COPS5: variants seen among roughly 807,000 people sequenced by gnomAD.
The protein encoded by COPS5 is COP9 signalosome subunit 5.
COPS5 carries 8 observed loss-of-function variants against 44.4 expected under a neutral mutation model. The ratio of observed to expected loss-of-function variants is 0.18; its 90% CI spans 0.11 to 0.32. The LOEUF (loss-of-function observed/expected upper bound fraction) is 0.32. COPS5 is among the 10% of genes least tolerant of loss of function. COPS5 has a pLI of 1.00. For missense variants in COPS5, 159 were observed against 406.4 expected (o/e 0.39, Z 5.23); for synonymous variants, 122 against 142.8 (o/e 0.85, Z 1.04).
chr8:67,056,958 A>G (rs899717502), intron 4 of COPS5, among the ~76,000 whole-genome samples: 3 of 151,926 alleles, frequency 2.0e-5, no homozygotes, highest in African/African-American at 7.2e-5. Context: ...ATAGACCTAT[A>G]GATTTAGCTT....
chr8:67,050,158 C>T (rs1404974379), intron 6 of COPS5, among the ~76,000 whole-genome samples: 2 of 152,114 alleles, frequency 1.3e-5, no homozygotes, highest in Admixed American at 6.5e-5. Context: ...CCCACCACCT[C>T]GCCCGGCTAA....
intron 1 of COPS5, chr8:67,061,200 T>C: frequency 3.8e-6 from 1 of 263,574 alleles, no homozygotes; most frequent in Non-Finnish European, 7.6e-6. Flanking sequence ...GGTCTTAAGC[T>C]CTATTTTTAT....
At chr8:67,061,604 G>T (rs1325981879) in intron 1 of COPS5, 2 of 513,084 alleles carry the variant, frequency 3.9e-6, no homozygotes, top group Non-Finnish European at 7.0e-6. Context: ...CGGATGTTCA[G>T]AAGTGACAAC....
At position 67,043,322 on chromosome 8, in the gene COPS5, A is replaced by G. The variant is rs773074244; in HGVS notation, c.921-5T>C. 3.9e-6 allele frequency: 6 copies of G among 1,539,120 alleles called. No homozygotes were observed. The highest frequency in any genetic ancestry group is 4.5e-6 in the Non-Finnish European group (5 of 1,122,106). ...GCTTCTATGGTAGTTTTACAGCTGG[A>G]AAAAAAAACACACATCACATGATGT... On this transcript the variant is annotated splice_polypyrimidine_tract_variant and splice_region_variant and intron_variant, in intron 7 of 7. Transcript: ENST00000357849.
Position 67,043,306 on chromosome 8 carries a change from G to T in COPS5, c.932C>A (p.Thr311Asn). ...CATCAATCCATGGATAGCTTCTATG[G>T]TAGTTTTACAGCTGGAAAAAAAAAC... ...AKATRDSCKT[T>N]IEAIHGLMSQ... is the part of the protein sequence containing the mutation. The change falls in exon 8 of 8, where the codon ACC becomes AAC. Residue 311 changes from threonine to asparagine, a missense_variant. Thr to Asn is a moderately conservative substitution (Grantham distance 65, BLOSUM62 0). Around this residue, in one of 2 missense-constraint regions of COPS5, gnomAD observed 134 missense variants for 376.7 expected, o/e 0.36. Transcript: ENST00000357849. 1.3e-6 allele frequency: 2 copies of T among 1,593,778 alleles called. No homozygotes were observed. Among genetic ancestry groups the T allele is most frequent in the Non-Finnish European group, 1.7e-6 (2 of 1,166,836 alleles).
chr8:67,061,652 G>A, intron 1 of COPS5: 1 of 583,224 alleles, frequency 1.7e-6, no homozygotes, highest in Non-Finnish European at 3.0e-6. Context: ...TACATCACCC[G>A]GGGGCAAATG....
chr8:67,051,460 T>C lies in COPS5; in HGVS notation c.660-119A>G, dbSNP rs1032699061. ...ATTCTCAAATATTCACATTTTAGTC[T>C]TTATTCCAATAAGGCAATAGCTAAC... On this transcript the variant is annotated intron_variant, in intron 5 of 7. Transcript: ENST00000357849. The C allele has an allele frequency of 9.8e-6, 6 of 613,626 alleles. No homozygotes were observed. The African/African-American group carries it at 1.1e-4, about 11-fold the overall frequency. The allele number at this position is 613,626 out of a possible 1,614,324, so 38.0% of individuals were successfully genotyped here.
rs1563450567 is a variant in COPS5, at chr8:67,061,846, C to CT, written c.143+7dup. 1 of 1,614,048 alleles carries CT rather than the reference C, an allele frequency of 6.2e-7. No homozygotes were observed. On this transcript the variant is annotated splice_region_variant and intron_variant, in intron 1 of 7. Coordinates refer to ENST00000357849, the MANE Select transcript of COPS5 (RefSeq NM_006837.3). ...CCCTCCCCTGCGTCTCGCCAGGGAC[C>CT]TCCTCACTCCTTAGTCCAGGGCTTC...
intron 5 of COPS5, among the ~76,000 whole-genome samples, chr8:67,052,629 G>C (rs990298902): frequency 2.6e-5 from 4 of 151,792 alleles, no homozygotes; most frequent in East Asian, 3.9e-4. Flanking sequence ...TGTTGGTCAG[G>C]CTGGTCTTGA....
At chr8:67,061,542 G>C (rs1804627263) in intron 1 of COPS5, 3 of 439,174 alleles carry the variant, frequency 6.8e-6, no homozygotes, top group South Asian at 5.8e-5. Flanking sequence ...ACCCAAACAA[G>C]GTGCATGTCG....
Position 67,051,319 on chromosome 8 carries a change from A to G in COPS5, c.682T>C (p.Tyr228His). 1 of 1,607,828 alleles carries G rather than the reference A, an allele frequency of 6.2e-7. No homozygotes were observed. The highest frequency in any genetic ancestry group is 8.5e-7 in the Non-Finnish European group (1 of 1,175,844). Residue 228 changes from tyrosine to histidine, a missense_variant, in exon 6 of 8, where the codon TAT becomes CAT. Tyr to His is a moderately conservative substitution (Grantham distance 83). This residue lies in a region of COPS5 where 134 missense variants were observed against 376.7 expected (regional missense o/e 0.36). Coordinates refer to ENST00000357849, the MANE Select transcript of COPS5 (RefSeq NM_006837.3). Reference sequence around the variant, plus strand: ...TTGCGATCCAAAGAGGATTTGAAATATGAGACTTCTAAGGCATAATATCTA... The same window carrying G: ...TTGCGATCCAAAGAGGATTTGAAATGTGAGACTTCTAAGGCATAATATCTA... ...CKQYYALEVSYFKSSLDRKLL... is the reference protein window; with the variant it reads ...CKQYYALEVSHFKSSLDRKLL...
rs1398017204 is a variant in COPS5, at chr8:67,043,331, C to A, written c.921-14G>T. 1.4e-6 allele frequency: 2 copies of A among 1,457,488 alleles called. No individual in the cohort carries two copies. Among genetic ancestry groups the A allele is most frequent in the Non-Finnish European group, 9.6e-7 (1 of 1,044,240 alleles). 90.3% of individuals were successfully genotyped at this position (1,457,488 alleles called of 1,614,324 possible). A position where few individuals can be genotyped will look rare whatever the true frequency, so the allele number is the denominator to read the frequency against. On this transcript the variant is annotated splice_polypyrimidine_tract_variant and intron_variant, in intron 7 of 7. Transcript: ENST00000357849. Reference sequence around the variant, plus strand: ...GTAGTTTTACAGCTGGAAAAAAAAACACACATCACATGATGTCATAAATTG... The same window carrying A: ...GTAGTTTTACAGCTGGAAAAAAAAAAACACATCACATGATGTCATAAATTG...
intron 7 of COPS5, chr8:67,045,310 C>G (rs1816685876): frequency 6.6e-6 from 1 of 152,614 alleles, no homozygotes; most frequent in Non-Finnish European, 1.5e-5. Flanking sequence ...AAAAATTAGT[C>G]AGGCATGATG....
intron 6 of COPS5, among the ~76,000 whole-genome samples, chr8:67,048,705 G>A: frequency 1.5e-5 from 2 of 136,022 alleles, no homozygotes; most frequent in African/African-American, 2.8e-5. Context: ...GACAGAGTGA[G>A]ACTCCATCTC....
chr8:67,050,767 G>GAA (rs5892075), intron 6 of COPS5, among the ~76,000 whole-genome samples: 37 of 133,800 alleles, frequency 2.8e-4, no homozygotes, highest in Middle Eastern at 3.9e-3. Flanking sequence ...CTAAGAGAAA[G>GAA]AAAAAAAAAA....
chr8:67,061,197 A>C (rs565068729), intron 1 of COPS5: 17 of 258,044 alleles, frequency 6.6e-5, no homozygotes, highest in African/African-American at 3.7e-4. Context: ...AAAGGTCTTA[A>C]GCTCTATTTT....
chr8:67,059,204 T>C lies in COPS5; in HGVS notation c.378+7A>G, dbSNP rs1048390866. 6.2e-7 allele frequency: 1 copy of C among 1,607,366 alleles called. No homozygotes were observed. The highest frequency in any genetic ancestry group is 8.5e-7 in the Non-Finnish European group (1 of 1,174,082). ...AATTACTAAACTATAAGAAACAACA[T>C]TTTTACCTGTTTTGCATTTTCTATG... On this transcript the variant is annotated splice_region_variant and intron_variant, in intron 2 of 7. Coordinates refer to ENST00000357849, the MANE Select transcript of COPS5 (RefSeq NM_006837.3).
At chr8:67,060,399 C>T (rs1218263792) in intron 1 of COPS5, 1 of 1,270,946 alleles carries the variant, frequency 7.9e-7, no homozygotes, top group South Asian at 1.3e-5. Flanking sequence ...CAGTCAACGT[C>T]TCTACAAAGC....
chr8:67,061,621 C>T (rs984634804), intron 1 of COPS5: 5 of 540,996 alleles, frequency 9.2e-6, no homozygotes, highest in South Asian at 6.1e-5. Flanking sequence ...CAACTTAAAT[C>T]ACCGCTTGTT....
Sources: gnomAD v4.1 joint callset for allele counts (sites outside exome capture counted in the v4.1 genomes callset) on GRCh38, gnomAD v4.1.1 for gene constraint, gnomAD v4.1.1 regional missense constraint, MANE v1.5 for transcripts, NCBI Gene and HGNC (gene_info 2026-07-23, HGNC 2026-07-21) for gene names.